Variants in RSPH14 observed in about 807,000 individuals in gnomAD.
RSPH14 encodes rhabdoid tumor deletion region gene 1.
Under a neutral mutation model 26.7 loss-of-function variants are expected in RSPH14, and 20 were observed. That is an observed-to-expected ratio of 0.75 (90% CI 0.53 to 1.09). The LOEUF (loss-of-function observed/expected upper bound fraction) is 1.09. Among genes scored for constraint, RSPH14 ranks in the 50% least tolerant of loss-of-function variants. The probability of loss-of-function intolerance (pLI) is 0.00; values close to 1 mark genes in which losing one functional copy is unlikely to be tolerated. For missense variants in RSPH14, 449 were observed against 457.2 expected (o/e 0.98, Z 0.16); for synonymous variants, 177 against 189.3 (o/e 0.93, Z 0.53).
intron 1 of RSPH14, among the ~76,000 whole-genome samples, chr22:23,140,733 T>G (rs1159440319): frequency 6.6e-6 from 1 of 152,212 alleles, no homozygotes; most frequent in Non-Finnish European, 1.5e-5. Context: ...CATCTGGATC[T>G]TCAGTCAAAG....
At chr22:23,097,350 C>T (rs2069154836) in intron 4 of RSPH14, among the ~76,000 whole-genome samples, 1 of 152,220 alleles carries the variant, frequency 6.6e-6, no homozygotes, top group Non-Finnish European at 1.5e-5. Flanking sequence ...CAGCGGAGAG[C>T]AACAATGGTT....
At chr22:23,134,522 C>A (rs2045513659) in intron 3 of RSPH14, among the ~76,000 whole-genome samples, 1 of 132,422 alleles carries the variant, frequency 7.6e-6, no homozygotes, top group Admixed American at 8.5e-5. Context: ...TTTGGAAGGA[C>A]TCAAAATTGA....
the RSPH14 span, among the ~76,000 whole-genome samples, chr22:23,167,595 C>T: frequency 6.6e-6 from 1 of 152,248 alleles, no homozygotes; most frequent in Non-Finnish European, 1.5e-5. Flanking sequence ...TGCAGGGCAT[C>T]TTAACCCAGG....
intron 4 of RSPH14, among the ~76,000 whole-genome samples, chr22:23,064,553 G>A (rs1291301371): frequency 1.3e-5 from 2 of 152,142 alleles, no homozygotes; most frequent in Admixed American, 6.5e-5. Context: ...CCAAGCCCCC[G>A]CTTCCCATCC....
chr22:23,091,383 C>T (rs1201435603), intron 4 of RSPH14, among the ~76,000 whole-genome samples: 3 of 152,016 alleles, frequency 2.0e-5, no homozygotes, highest in African/African-American at 7.3e-5. Flanking sequence ...CCACAATGGA[C>T]CTGCATACAC....
the RSPH14 span, chr22:23,150,275 G>A: frequency 1.4e-6 from 1 of 718,844 alleles, no homozygotes; most frequent in South Asian, 1.6e-5. Flanking sequence ...GTACAGGCCT[G>A]AAGATGACTG....
upstream of RSPH14, among the ~76,000 whole-genome samples, chr22:23,142,350 C>T (rs1021023950): frequency 6.6e-6 from 1 of 152,086 alleles, no homozygotes; most frequent in African/African-American, 2.4e-5. Context: ...GAGTTTCGCT[C>T]TTTCACGCAG....
At chr22:23,117,263 G>A (rs1354859372) in intron 4 of RSPH14, among the ~76,000 whole-genome samples, 1 of 152,144 alleles carries the variant, frequency 6.6e-6, no homozygotes, top group African/African-American at 2.4e-5. Flanking sequence ...TGAGCCAGAG[G>A]TGCCGACACG....
chr22:23,141,386 T>C (rs1054272557), intron 1 of RSPH14, among the ~76,000 whole-genome samples: 1 of 151,682 alleles, frequency 6.6e-6, no homozygotes, highest in Non-Finnish European at 1.5e-5. Flanking sequence ...ACACACACTT[T>C]CAGCAACTAT....
intron 4 of RSPH14, among the ~76,000 whole-genome samples, chr22:23,120,027 C>T (rs2069966803): frequency 1.3e-5 from 2 of 152,168 alleles, no homozygotes; most frequent in African/African-American, 4.8e-5. Context: ...GAGGGAAGGG[C>T]CCACACTCGG....
the RSPH14 span, chr22:23,158,044 G>GT: frequency 6.2e-7 from 1 of 1,614,160 alleles, no homozygotes. Flanking sequence ...AGCATACCAG[G>GT]TAAGTCTGGG....
chr22:23,091,114 G>A (rs952752571), intron 4 of RSPH14, among the ~76,000 whole-genome samples: 10 of 152,228 alleles, frequency 6.6e-5, no homozygotes, highest in East Asian at 1.9e-4. Flanking sequence ...CTGCACACAC[G>A]CACAACCACA....
At chr22:23,109,256 G>C (rs1218408446) in intron 4 of RSPH14, among the ~76,000 whole-genome samples, 17 of 152,202 alleles carry the variant, frequency 1.1e-4, no homozygotes, top group African/African-American at 4.1e-4. Flanking sequence ...GAGCCTGGCA[G>C]CAGAGCCGAG....
chr22:23,130,080 AAAGGAAGAAAG>A lies in RSPH14; in HGVS notation c.421+3935_421+3945del, dbSNP rs1379816218. 1.0e-4 allele frequency among the ~76,000 whole-genome samples: 3 copies of A among 29,332 alleles called. No individual in the cohort carries two copies. In the East Asian group the frequency reaches 1.6e-3, roughly 15 times the overall value. The allele number at this position is 29,332 out of a possible 152,430, so 19.2% of individuals were successfully genotyped here. ...AAGAAAAAGAAAGAAAGAAAGAAAG[AAAGGAAGAAAG>A]AAAGAAAGAAAGAAAGAAAGAAAGA... On this transcript the variant is annotated intron_variant, in intron 4 of 6. Transcript: ENST00000216036.
chr22:23,080,540 A>C (rs2068647008), intron 4 of RSPH14, among the ~76,000 whole-genome samples: 1 of 152,180 alleles, frequency 6.6e-6, no homozygotes, highest in Admixed American at 6.5e-5. Flanking sequence ...TGAGGAGGCA[A>C]AGAAAGGAGG....
the RSPH14 span, chr22:23,179,620 GCA>G: frequency 6.5e-6 from 1 of 152,922 alleles, no homozygotes; most frequent in South Asian, 2.1e-4. Flanking sequence ...ACATGGCTCA[GCA>G]CACAGGAAGG....
chr22:23,164,325 GATT>G, the RSPH14 span: 4 of 152,228 alleles, frequency 2.6e-5, no homozygotes, highest in African/African-American at 4.8e-5. Flanking sequence ...AATGGTCCTT[GATT>G]AAATCGTCCT....
the RSPH14 span, among the ~76,000 whole-genome samples, chr22:23,160,519 C>G: frequency 6.6e-6 from 1 of 152,348 alleles, no homozygotes; most frequent in Non-Finnish European, 1.5e-5. Flanking sequence ...AGGGCAGGCA[C>G]ATATCTGTCC....
chr22:23,158,629 C>G, the RSPH14 span, among the ~76,000 whole-genome samples: 2 of 152,212 alleles, frequency 1.3e-5, no homozygotes, highest in Non-Finnish European at 2.9e-5. Context: ...AGGGCTCATG[C>G]AAGGTCTCAC....
Sources: allele counts gnomAD v4.1 joint callset (sites outside exome capture counted in the v4.1 genomes callset), GRCh38; gene constraint gnomAD v4.1.1; transcripts MANE v1.5; gene names NCBI Gene and HGNC (gene_info 2026-07-23, HGNC 2026-07-21).